Variants in TMEM132C observed in about 807,000 individuals in gnomAD.
TMEM132C encodes the protein transmembrane protein 132C, also known as protein phosphatase 1, regulatory subunit 152.
TMEM132C carries 29 observed loss-of-function variants against 61.4 expected under a neutral mutation model. The ratio of observed to expected loss-of-function variants is 0.47; its 90% CI spans 0.35 to 0.64. The LOEUF is 0.64. Among genes scored for constraint, TMEM132C ranks in the 30% least tolerant of loss-of-function variants. The pLI is 0.00. For synonymous variants in TMEM132C, 656 were observed against 633.1 expected (o/e 1.04, Z -0.54); for missense variants, 1,408 against 1,476.9 (o/e 0.95, Z 0.76).
At chr12:128,305,496 C>T (rs946889926) in intron 1 of TMEM132C, among the ~76,000 whole-genome samples, 8 of 151,378 alleles carry the variant, frequency 5.3e-5, no homozygotes, top group East Asian at 1.9e-4. Context: ...AAGTTTCCGC[C>T]GAACTTTAGA....
chr12:128,430,491 CTCAA>C (rs1200024535), intron 2 of TMEM132C, among the ~76,000 whole-genome samples: 1 of 152,176 alleles, frequency 6.6e-6, no homozygotes, highest in Non-Finnish European at 1.5e-5. Context: ...AGAACTTAAG[CTCAA>C]TCAATCAGAA....
At chr12:128,327,652 G>A (rs1872568026) in intron 1 of TMEM132C, among the ~76,000 whole-genome samples, 1 of 152,120 alleles carries the variant, frequency 6.6e-6, no homozygotes, top group African/African-American at 2.4e-5. Context: ...CAAAGTGCTG[G>A]GATTACAGGC....
chr12:128,705,970 G>A lies in TMEM132C; in HGVS notation c.3002G>A (p.Gly1001Glu). ...QDEHTTIIDR[G>E]PGACEESNHL... ...GAGCACACCACCATCATAGACCGCG[G>A]ACCGGGGGCCTGCGAGGAGAGCAAC... The change falls in exon 9 of 9, where the codon GGA becomes GAA. Residue 1001 changes from glycine (G) to glutamate (E), a missense_variant. Transcript: ENST00000435159. 6.4e-7 allele frequency: 1 copy of A among 1,551,626 alleles called. No individual in the cohort carries two copies. Among genetic ancestry groups the A allele is most frequent in the Non-Finnish European group, 8.7e-7 (1 of 1,146,988 alleles).
intron 1 of TMEM132C, among the ~76,000 whole-genome samples, chr12:128,375,753 C>A (rs939364186): frequency 6.6e-6 from 1 of 152,016 alleles, no homozygotes; most frequent in African/African-American, 2.4e-5. Context: ...GGCATGAAAC[C>A]CAAGGGAAGT....
intron 4 of TMEM132C, among the ~76,000 whole-genome samples, chr12:128,631,757 T>C (rs1366869169): frequency 6.7e-6 from 1 of 149,862 alleles, no homozygotes; most frequent in Admixed American, 6.6e-5. Flanking sequence ...TGTCTGTGGA[T>C]TTTTTTTCTC....
chr12:128,428,875 T>G (rs553331511), intron 2 of TMEM132C, among the ~76,000 whole-genome samples: 3 of 152,350 alleles, frequency 2.0e-5, no homozygotes, highest in Non-Finnish European at 4.4e-5. Context: ...ATTGTGAGAC[T>G]TCAGTAAGAT....
intron 3 of TMEM132C, among the ~76,000 whole-genome samples, chr12:128,555,827 A>G (rs1011231677): frequency 6.6e-6 from 1 of 151,322 alleles, no homozygotes; most frequent in Non-Finnish European, 1.5e-5. Flanking sequence ...TGATCCTCCC[A>G]TATCAGTCTC....
chr12:128,638,181 A>G (rs1954117776), intron 4 of TMEM132C, among the ~76,000 whole-genome samples: 2 of 152,076 alleles, frequency 1.3e-5, no homozygotes, highest in South Asian at 2.1e-4. Context: ...TCCTTTCCTG[A>G]CACCTGCTCA....
At chr12:128,689,379 C>T (rs1954702169) in intron 5 of TMEM132C, among the ~76,000 whole-genome samples, 1 of 152,076 alleles carries the variant, frequency 6.6e-6, no homozygotes, top group African/African-American at 2.4e-5. Flanking sequence ...CAATAAAACA[C>T]TTGAGCTCAA....
intron 1 of TMEM132C, among the ~76,000 whole-genome samples, chr12:128,384,046 A>G (rs918503505): frequency 6.6e-5 from 10 of 152,216 alleles, no homozygotes; most frequent in African/African-American, 2.2e-4. Flanking sequence ...ACTACCACCA[A>G]AGAAACCCAA....
At chr12:128,277,285 C>CA (rs1870725583) in intron 1 of TMEM132C, among the ~76,000 whole-genome samples, 1 of 152,294 alleles carries the variant, frequency 6.6e-6, no homozygotes, top group Non-Finnish European at 1.5e-5. Flanking sequence ...ATCCAGGGGT[C>CA]AAGTGATGTC....
intron 4 of TMEM132C, among the ~76,000 whole-genome samples, chr12:128,657,379 A>G (rs1381661661): frequency 6.6e-6 from 1 of 152,126 alleles, no homozygotes; most frequent in Non-Finnish European, 1.5e-5. Flanking sequence ...TAGCTAGAAA[A>G]GCTCTTTTTC....
chr12:128,369,874 T>G (rs968324371), intron 1 of TMEM132C, among the ~76,000 whole-genome samples: 2 of 152,216 alleles, frequency 1.3e-5, no homozygotes, highest in African/African-American at 4.8e-5. Context: ...GAGACCCTCA[T>G]ATATGAGCCT....
chr12:128,550,533 G>A (rs1874137840), intron 3 of TMEM132C, among the ~76,000 whole-genome samples: 1 of 152,076 alleles, frequency 6.6e-6, no homozygotes, highest in Non-Finnish European at 1.5e-5. Context: ...TCAAACTCCT[G>A]AGCTCAAGTG....
rs1025546121 is a variant in TMEM132C, at chr12:128,267,422, C to T, written c.20C>T (p.Ala7Val). ...CGCAGGATGCGCTCCGAGGGTGCGG[C>T]CCCCGGGCCGGCGGCGCCGCTGTGC... MRSEGA[A>V]PGPAAPLCGA... The change falls in exon 1 of 9, where the codon GCC (alanine) becomes GTC (valine). Residue 7 changes from alanine to valine, a missense_variant. Coordinates refer to ENST00000435159, the MANE Select transcript of TMEM132C (RefSeq NM_001136103.3). The T allele has an allele frequency of 7.3e-6, 9 of 1,232,010 alleles. No individual in the cohort carries two copies. Among genetic ancestry groups the T allele is most frequent in the African/African-American group, 6.3e-5 (4 of 63,182 alleles). The allele number at this position is 1,232,010 out of a possible 1,614,324, so 76.3% of individuals were successfully genotyped here.
intron 1 of TMEM132C, among the ~76,000 whole-genome samples, chr12:128,343,515 G>T (rs1313563883): frequency 6.6e-6 from 1 of 151,754 alleles, no homozygotes. Flanking sequence ...GGTTAGAGCT[G>T]TTGGCCCTTA....
At chr12:128,619,573 G>A (rs147979359) in intron 4 of TMEM132C, among the ~76,000 whole-genome samples, 1 of 152,294 alleles carries the variant, frequency 6.6e-6, no homozygotes, top group East Asian at 1.9e-4. Context: ...TTGACAATGA[G>A]CCTCTTGCCT....
chr12:128,377,420 C>G (rs1874229180), intron 1 of TMEM132C, among the ~76,000 whole-genome samples: 1 of 152,170 alleles, frequency 6.6e-6, no homozygotes, highest in Admixed American at 6.5e-5. Flanking sequence ...CAGAACCTGC[C>G]TACCACGTAG....
At chr12:128,451,909 G>A (rs1001104817) in intron 2 of TMEM132C, among the ~76,000 whole-genome samples, 1 of 151,696 alleles carries the variant, frequency 6.6e-6, no homozygotes, top group Non-Finnish European at 1.5e-5. Flanking sequence ...GTAGGTGGAC[G>A]ACCACCAGAC....
Sources: allele counts gnomAD v4.1 joint callset (sites outside exome capture counted in the v4.1 genomes callset), GRCh38; gene constraint gnomAD v4.1.1; transcripts MANE v1.5; gene names NCBI Gene and HGNC (gene_info 2026-07-23, HGNC 2026-07-21).